Variants in SLIT1 observed in about 807,000 individuals in gnomAD.
SLIT1 encodes the protein slit homolog 1 protein.
In SLIT1, 66 loss-of-function variants were observed where a neutral mutation model predicts 186.1. That is an observed-to-expected ratio of 0.35 (90% confidence interval 0.29 to 0.44). The LOEUF (loss-of-function observed/expected upper bound fraction) is 0.44, where lower values mean the gene tolerates loss of function less well. Ranked by LOEUF, SLIT1 falls within the 20% of genes least tolerant of loss-of-function variation. The pLI is 1.00. For synonymous variants in SLIT1, 761 were observed against 833.8 expected (o/e 0.91, Z 1.50); for missense variants, 1,638 against 2,037.4 (o/e 0.80, Z 3.77).
At chr10:97,151,656 C>G (rs1256814388) in intron 4 of SLIT1, among the ~76,000 whole-genome samples, 2 of 152,058 alleles carry the variant, frequency 1.3e-5, no homozygotes, top group African/African-American at 2.4e-5. Flanking sequence ...GTCAGACAGA[C>G]TGGGGTTCAC....
intron 4 of SLIT1, among the ~76,000 whole-genome samples, chr10:97,112,847 C>T (rs1302704424): frequency 6.6e-6 from 1 of 152,150 alleles, no homozygotes; most frequent in South Asian, 2.1e-4. Context: ...GAACATGTCA[C>T]TGTACCCAGC....
intron 4 of SLIT1, among the ~76,000 whole-genome samples, chr10:97,124,409 G>C (rs141295316): frequency 6.6e-6 from 1 of 152,170 alleles, no homozygotes; most frequent in African/African-American, 2.4e-5. Context: ...GCCCTCCCTC[G>C]AGCTTTGCTA....
chr10:97,174,702 G>A (rs1850234336), intron 1 of SLIT1, among the ~76,000 whole-genome samples: 1 of 152,198 alleles, frequency 6.6e-6, no homozygotes, highest in African/African-American at 2.4e-5. Context: ...AAGCCTCGCA[G>A]TAGTACCTGG....
rs377592574 is a variant in SLIT1, at chr10:97,127,517, C to G, written c.413+30301G>C. On this transcript the variant is annotated intron_variant, in intron 4 of 36. Coordinates refer to ENST00000266058, the MANE Select transcript of SLIT1 (RefSeq NM_003061.3). ...ACTCAGGATCTCTCCTGAACAGTGC[C>G]GGGTCACTCAAGATGTGCAGAAGCA... 2.3e-4 allele frequency among the ~76,000 whole-genome samples: 35 copies of G among 152,278 alleles called. 1 individual carries two copies. The East Asian group carries it at 5.8e-3, about 25-fold the overall frequency.
At chr10:97,052,199 G>A (rs1848795848) in intron 13 of SLIT1, among the ~76,000 whole-genome samples, 1 of 151,526 alleles carries the variant, frequency 6.6e-6, no homozygotes, top group Non-Finnish European at 1.5e-5. Flanking sequence ...TGGGCTCAGG[G>A]AATCCTCCCA....
chr10:97,010,033 C>T lies in SLIT1; in HGVS notation c.3341+960G>A, dbSNP rs770725495. On this transcript the variant is annotated intron_variant, in intron 31 of 36. Transcript: ENST00000266058. This position sits in a 1 kb window ranked among gnomAD's most constrained non-coding sequence, Gnocchi z 4.8. Reference sequence around the variant, plus strand: ...AACAGTTAAACATACAGTTAACATACGACTCAGAAAATCCACTCCTACGCA... The same window carrying T: ...AACAGTTAAACATACAGTTAACATATGACTCAGAAAATCCACTCCTACGCA... Among the ~76,000 whole-genome samples the T allele has an allele frequency of 1.2e-4, 18 of 152,258 alleles. No homozygotes were observed. The highest frequency in any genetic ancestry group is 9.2e-4 in the Admixed American group (14 of 15,294).
rs188718224 is a variant in SLIT1 at position 97,029,674 on chromosome 10, C to T, written c.2582+1083G>A. ...TGCCACTTTCAACATTTTAAGTGTACAATTCAGTCACATTGATTGTATTCA... is the reference window on the plus strand; with the variant it reads ...TGCCACTTTCAACATTTTAAGTGTATAATTCAGTCACATTGATTGTATTCA... On this transcript the variant is annotated intron_variant, in intron 25 of 36. Coordinates refer to ENST00000266058, the MANE Select transcript of SLIT1 (RefSeq NM_003061.3). Among the ~76,000 whole-genome samples the T allele has an allele frequency of 4.3e-3, 652 of 152,282 alleles. 4 individuals carry two copies. Among genetic ancestry groups the T allele is most frequent in the Non-Finnish European group, 7.0e-3 (478 of 68,026 alleles).
intron 7 of SLIT1, 69 bp downstream of exon 7, chr10:97,064,099 C>G (rs547498831): frequency 2.2e-4 from 287 of 1,315,612 alleles, no homozygotes; most frequent in Non-Finnish European, 2.9e-4. Context: ...CCTTCACCTC[C>G]TGCCCCACCC....
Position 97,047,698 on chromosome 10 carries a change from C to G in SLIT1, c.1626G>C (p.Thr542=). The change falls in exon 16 of 37, where the codon ACG becomes ACC. Residue 542 remains threonine (T), a synonymous_variant. Transcript: ENST00000266058. ...TKIPERIPQS[T]AELRLNNNEI... ...GGGCCAGGGACCCTCACAGTTCTGC[C>G]GTGGACTGGGGGATGCGCTCAGGGA... 6.2e-7 allele frequency: 1 copy of G among 1,613,658 alleles called. No individual in the cohort carries two copies. Among genetic ancestry groups the G allele is most frequent in the Non-Finnish European group, 8.5e-7 (1 of 1,179,998 alleles).
intron 25 of SLIT1, among the ~76,000 whole-genome samples, chr10:97,025,710 C>A (rs1440226666): frequency 1.3e-5 from 2 of 152,292 alleles, no homozygotes; most frequent in East Asian, 3.9e-4. Context: ...AAAAATAACC[C>A]TGTGTTGTTG....
Position 97,047,716 on chromosome 10 carries a change from C to T in SLIT1, c.1608G>A (p.Glu536=), listed in dbSNP as rs1848746892. The change falls in exon 16 of 37, where the codon GAG becomes GAA. Residue 536 remains glutamate, a synonymous_variant. Transcript: ENST00000266058. ...GTTCTGCCGTGGACTGGGGGATGCGCTCAGGGATCTTGGTGAGCTTCAGGC... is the reference window on the plus strand; with the variant it reads ...GTTCTGCCGTGGACTGGGGGATGCGTTCAGGGATCTTGGTGAGCTTCAGGC... ...CSSLKLTKIP[E]RIPQSTAELR... The T allele has an allele frequency of 6.2e-7, 1 of 1,613,948 alleles. No homozygotes were observed. Among genetic ancestry groups the T allele is most frequent in the Non-Finnish European group, 8.5e-7 (1 of 1,180,038 alleles).
rs997954607 is a variant in SLIT1 at position 96,998,947 on chromosome 10, A to T, written c.*2165T>A. 1.3e-5 allele frequency: 2 copies of T among 152,338 alleles called. No individual in the cohort carries two copies. Among genetic ancestry groups the T allele is most frequent in the African/African-American group, 4.8e-5 (2 of 41,458 alleles). The allele number at this position is 152,338 out of a possible 1,614,324, so 9.4% of individuals were successfully genotyped here. On this transcript the variant is annotated 3_prime_UTR_variant, in exon 37 of 37. Transcript: ENST00000266058. ...CAGCCAGTGCCCTTCAAGCCTGGGA[A>T]TTGGCTTCTCCAGGGTGGTGGGGAA...
intron 1 of SLIT1, among the ~76,000 whole-genome samples, chr10:97,165,711 C>T (rs1301591977): frequency 6.6e-6 from 1 of 152,096 alleles, no homozygotes; most frequent in Non-Finnish European, 1.5e-5. Context: ...GGATGGGGGG[C>T]CTGACAGGAG....
rs1848837974 is a variant in SLIT1, at chr10:97,056,517, C to T, written c.1158-53G>A. 6 of 1,577,502 alleles carry T rather than the reference C, an allele frequency of 3.8e-6. No homozygotes were observed. The South Asian group carries it at 5.6e-5, about 15-fold the overall frequency. On this transcript the variant is annotated intron_variant, in intron 12 of 36. Transcript: ENST00000266058. ...GAGGAGAGAGGCTCGACCTGAGACC[C>T]ATCTCAGGTCCTGGGCACCTTCTTC... is the stretch of plus-strand genomic sequence containing the variant.
In SLIT1 at chr10:97,060,110, T is replaced by C; in HGVS notation, c.990A>G (p.Ser330=). 6 of 1,613,192 alleles carry C rather than the reference T, an allele frequency of 3.7e-6. No homozygotes were observed. The highest frequency in any genetic ancestry group is 5.1e-6 in the Non-Finnish European group (6 of 1,179,250). The part of the protein sequence containing the change: ...GIKSIPPGAF[S]PYRKLRRIDL... The stretch of plus-strand genomic sequence containing the variant: ...ACATCCTCCGTAGCTTTCTGTAGGG[T>C]GAGAAGGCTCCAGGAGGGATGGACT... Residue 330 remains serine (S), a synonymous_variant, in exon 10 of 37, where the codon TCA becomes TCG. Coordinates refer to ENST00000266058, the MANE Select transcript of SLIT1 (RefSeq NM_003061.3).
At chr10:97,025,163 C>A (rs1848533834) in intron 25 of SLIT1, among the ~76,000 whole-genome samples, 2 of 152,028 alleles carry the variant, frequency 1.3e-5, no homozygotes, top group South Asian at 4.2e-4. Flanking sequence ...CCAGCTACTC[C>A]ACTCAGGAGG....
intron 4 of SLIT1, among the ~76,000 whole-genome samples, chr10:97,087,302 C>A (rs1358454918): frequency 6.6e-6 from 1 of 152,092 alleles, no homozygotes; most frequent in Non-Finnish European, 1.5e-5. Context: ...AGGTCCACAG[C>A]CCCAGAAGGA....
chr10:97,025,823 C>A (rs1267634413), intron 25 of SLIT1, among the ~76,000 whole-genome samples: 1 of 152,156 alleles, frequency 6.6e-6, no homozygotes, highest in East Asian at 1.9e-4. Flanking sequence ...TGAAATAGCG[C>A]CCCCTGGCTG....
At chr10:97,179,575 G>A (rs1024405707) in intron 1 of SLIT1, among the ~76,000 whole-genome samples, 1 of 152,202 alleles carries the variant, frequency 6.6e-6, no homozygotes, top group African/African-American at 2.4e-5. Flanking sequence ...GGCCATTCTC[G>A]TACTGAAGCC....
Sources: gnomAD v4.1 joint callset for allele counts (sites outside exome capture counted in the v4.1 genomes callset) on GRCh38, gnomAD v4.1.1 for gene constraint, Gnocchi (gnomAD v3.1) non-coding constraint, MANE v1.5 for transcripts, NCBI Gene and HGNC (gene_info 2026-07-23, HGNC 2026-07-21) for gene names.